ZNF69: variants seen among roughly 807,000 people sequenced by gnomAD.
ZNF69 encodes the protein zinc finger protein 69.
ZNF69 carries 47 observed loss-of-function variants against 50.9 expected under a neutral mutation model. The ratio of observed to expected loss-of-function variants is 0.92; its 90% CI spans 0.73 to 1.18. ZNF69 has a LOEUF of 1.18. Among genes scored for constraint, ZNF69 ranks in the 50% most tolerant of loss-of-function variants. The probability of loss-of-function intolerance (pLI) is 0.00; values close to 1 mark genes in which losing one functional copy is unlikely to be tolerated. For missense variants in ZNF69, 717 were observed against 675.1 expected, an observed-to-expected ratio of 1.06 and a Z score of -0.69; for synonymous variants, 216 against 223.1, an observed-to-expected ratio of 0.97 and a Z score of 0.29.
the ZNF69 span, among the ~76,000 whole-genome samples, chr19:11,955,731 A>G: frequency 2.6e-5 from 4 of 152,216 alleles, no homozygotes; most frequent in East Asian, 7.7e-4. Context: ...TAATCAGTGA[A>G]TTACAAAGAT....
chr19:11,898,907 C>T (rs1024422004), intron 1 of ZNF69, among the ~76,000 whole-genome samples: 1 of 152,212 alleles, frequency 6.6e-6, no homozygotes, highest in East Asian at 1.9e-4. Flanking sequence ...TATGCAAGAA[C>T]ATATTACATG....
the ZNF69 span, among the ~76,000 whole-genome samples, chr19:11,962,599 G>GC: frequency 1.4e-4 from 20 of 147,112 alleles, no homozygotes; most frequent in Non-Finnish European, 2.4e-4. Flanking sequence ...AGGCTCAAGT[G>GC]ACCCCCCCCC....
Position 11,906,058 on chromosome 19 carries a change from G to C in ZNF69, c.1661G>C (p.Arg554Thr). 2 of 1,613,130 alleles carry C rather than the reference G, an allele frequency of 1.2e-6. No individual in the cohort carries two copies. Among genetic ancestry groups the C allele is most frequent in the Non-Finnish European group, 1.7e-6 (2 of 1,179,700 alleles). Residue 554 changes from arginine (R) to threonine (T), a missense_variant, in exon 4 of 4, where the codon AGG (arginine) becomes ACG (threonine). Physicochemically the swap from Arg to Thr is moderately conservative, Grantham distance 71. Transcript: ENST00000429654. ...RAASVLRMHG[R>T]THPEDKPYEC... Reference sequence around the variant, plus strand: ...GCCTCAGTCCTTCGAATGCATGGTAGGACTCACCCTGAAGATAAACCCTAT... The same window carrying C: ...GCCTCAGTCCTTCGAATGCATGGTACGACTCACCCTGAAGATAAACCCTAT...
downstream of ZNF69, among the ~76,000 whole-genome samples, chr19:11,911,383 T>C (rs1231665177): frequency 6.6e-6 from 1 of 152,236 alleles, no homozygotes; most frequent in East Asian, 1.9e-4. Flanking sequence ...CGTATGTTTA[T>C]TGTGGCACTA....
At chr19:11,978,911 A>C in the ZNF69 span, 1 of 1,614,166 alleles carries the variant, frequency 6.2e-7, no homozygotes, top group Non-Finnish European at 8.5e-7. Context: ...CCTATCTTAG[A>C]CATAAAAGGA....
At chr19:11,897,049 G>C (rs1486053001) in intron 1 of ZNF69, among the ~76,000 whole-genome samples, 1 of 152,034 alleles carries the variant, frequency 6.6e-6, no homozygotes, top group Non-Finnish European at 1.5e-5. Flanking sequence ...AAGAAAATTA[G>C]TTTTAATAGA....
At chr19:11,944,329 C>T in the ZNF69 span, among the ~76,000 whole-genome samples, 1 of 146,334 alleles carries the variant, frequency 6.8e-6, no homozygotes, top group Non-Finnish European at 1.5e-5. Flanking sequence ...ATCTTAATAC[C>T]ACAGGGAGAG....
chr19:11,891,331 G>A lies in ZNF69; in HGVS notation c.63+3345G>A, dbSNP rs149591860. Among the ~76,000 whole-genome samples the A allele has an allele frequency of 2.2e-3, 325 of 149,834 alleles. 3 individuals carry two copies. Among genetic ancestry groups the A allele is most frequent in the African/African-American group, 7.3e-3 (294 of 40,532 alleles). On this transcript the variant is annotated intron_variant, in intron 1 of 3. Transcript: ENST00000429654. ...AGTTCCACGTACTCGGGAGGCAAGC[G>A]TTCAAGACCCAGCTGGCCAATGCAG...
downstream of ZNF69, among the ~76,000 whole-genome samples, chr19:11,907,948 C>T (rs992208567): frequency 2.0e-5 from 3 of 152,124 alleles, no homozygotes; most frequent in African/African-American, 7.2e-5. Flanking sequence ...CAGAGACATA[C>T]ATAGGCTCAA....
exon 5 of ZNF69, chr19:11,913,582 G>A (rs112528075): frequency 0.04 from 13,599 of 343,638 alleles, 801 homozygotes; most frequent in African/African-American, 0.17. Context: ...GTAGAGACAG[G>A]GTTTCACCAT....
chr19:11,892,332 T>G (rs1200702417), intron 1 of ZNF69, among the ~76,000 whole-genome samples: 2 of 152,136 alleles, frequency 1.3e-5, no homozygotes, highest in African/African-American at 4.8e-5. Context: ...TGTTTTCTTT[T>G]CTTTCTAGCT....
Position 11,900,545 on chromosome 19 carries a change from G to C in ZNF69, c.64-3028G>C, listed in dbSNP as rs1453747621. 2.6e-5 allele frequency among the ~76,000 whole-genome samples: 4 copies of C among 152,012 alleles called. No individual in the cohort carries two copies. In the Middle Eastern group the frequency reaches 0.014, roughly 517 times the overall value. On this transcript the variant is annotated intron_variant, in intron 1 of 3. Coordinates refer to ENST00000429654, the MANE Select transcript of ZNF69 (RefSeq NM_001364730.1). ...TTTTTGTATTTTTACTAGAGACGGG[G>C]TTTCACCATGTTAGTCAGGCTGGTC...
chr19:11,940,220 G>A, the ZNF69 span, among the ~76,000 whole-genome samples: 24 of 152,324 alleles, frequency 1.6e-4, no homozygotes, highest in South Asian at 4.6e-3. Context: ...ATGAGCCACA[G>A]TGCCCGGCCA....
At chr19:11,973,717 AT>A in the ZNF69 span, among the ~76,000 whole-genome samples, 7,779 of 142,334 alleles carry the variant, frequency 0.055, 200 homozygotes, top group South Asian at 0.095. Flanking sequence ...GACCTTGTTA[AT>A]TTTTTTTTTT....
At chr19:11,968,391 C>T in the ZNF69 span, among the ~76,000 whole-genome samples, 1 of 152,054 alleles carries the variant, frequency 6.6e-6, no homozygotes, top group South Asian at 2.1e-4. Flanking sequence ...TACAGTTGCC[C>T]ACCAGCACAC....
At chr19:11,902,975 A>T (rs2056958611) in intron 1 of ZNF69, among the ~76,000 whole-genome samples, 1 of 152,092 alleles carries the variant, frequency 6.6e-6, no homozygotes, top group African/African-American at 2.4e-5. Context: ...TAGCATCACA[A>T]TTGCTTTATG....
intron 1 of ZNF69, among the ~76,000 whole-genome samples, chr19:11,902,960 A>G: frequency 6.6e-6 from 1 of 152,174 alleles, no homozygotes; most frequent in Non-Finnish European, 1.5e-5. Context: ...GCCCTTGTTC[A>G]GTTCTAGCAT....
At chr19:11,894,408 G>A (rs1977173216) in intron 1 of ZNF69, among the ~76,000 whole-genome samples, 1 of 152,184 alleles carries the variant, frequency 6.6e-6, no homozygotes, top group African/African-American at 2.4e-5. Flanking sequence ...CCAAAGTGCT[G>A]GGATTACAGG....
the ZNF69 span, among the ~76,000 whole-genome samples, chr19:11,927,865 A>T: frequency 6.6e-6 from 1 of 152,208 alleles, no homozygotes; most frequent in African/African-American, 2.4e-5. Context: ...TGTTAGTGTC[A>T]AGATGGAGCT....
Sources: allele counts gnomAD v4.1 joint callset (sites outside exome capture counted in the v4.1 genomes callset), GRCh38; gene constraint gnomAD v4.1.1; transcripts MANE v1.5; gene names NCBI Gene and HGNC (gene_info 2026-07-23, HGNC 2026-07-21).